Variants in DLC1 observed in about 807,000 individuals in gnomAD.
The protein encoded by DLC1 is rho GTPase-activating protein 7.
In DLC1, 54 loss-of-function variants were observed where a neutral mutation model predicts 140.3. The observed-to-expected ratio is 0.38, with a 90% CI of 0.31 to 0.48. The LOEUF is 0.48. Among genes scored for constraint, DLC1 ranks in the 20% least tolerant of loss-of-function variants. DLC1 has a pLI of 0.96. For synonymous variants in DLC1, 986 were observed against 728.1 expected, an observed-to-expected ratio of 1.35 and a Z score of -5.70; for missense variants, 2,536 against 1,907.0, an observed-to-expected ratio of 1.33 and a Z score of -6.14.
intron 4 of DLC1, among the ~76,000 whole-genome samples, chr8:13,358,195 T>A (rs1415517706): frequency 6.6e-6 from 1 of 152,254 alleles, no homozygotes; most frequent in Non-Finnish European, 1.5e-5. Flanking sequence ...CTTACTTAAT[T>A]AACTAAAACC....
chr8:13,536,862 C>A (rs1803302714), intron 1 of DLC1, among the ~76,000 whole-genome samples: 1 of 152,120 alleles, frequency 6.6e-6, no homozygotes, highest in Non-Finnish European at 1.5e-5. Context: ...AGGCCATCTG[C>A]ACTTTAAAAT....
chr8:13,400,119 A>T (rs1837228913), intron 3 of DLC1, among the ~76,000 whole-genome samples: 1 of 152,154 alleles, frequency 6.6e-6, no homozygotes, highest in South Asian at 2.1e-4. Context: ...AACATAAATA[A>T]AGAACAAGAG....
chr8:13,140,885 A>C lies in DLC1; in HGVS notation c.1349-25228T>G, dbSNP rs76498849. On this transcript the variant is annotated intron_variant, in intron 5 of 17. Transcript: ENST00000276297. Reference sequence around the variant, plus strand: ...TATACATTTTATTATGTACTCAAAAAATATTCTAGCTGTCTTATTTTTCTC... The same window carrying C: ...TATACATTTTATTATGTACTCAAAACATATTCTAGCTGTCTTATTTTTCTC... 9.7e-3 allele frequency among the ~76,000 whole-genome samples: 1,470 copies of C among 152,268 alleles called. 18 individuals are homozygous for C. The highest frequency in any genetic ancestry group is 0.033 in the African/African-American group (1,358 of 41,548).
intron 5 of DLC1, among the ~76,000 whole-genome samples, chr8:13,229,581 A>ATATAAATTTTAGTATATAAAT (rs1206346490): frequency 6.6e-6 from 1 of 152,124 alleles, no homozygotes; most frequent in Non-Finnish European, 1.5e-5. Context: ...ACTTTTTAGT[A>ATATAAATTTTAGTATATAAAT]TATAAATTAT....
chr8:13,241,722 G>T (rs1172897943), intron 5 of DLC1, among the ~76,000 whole-genome samples: 1 of 152,148 alleles, frequency 6.6e-6, no homozygotes, highest in Non-Finnish European at 1.5e-5. Context: ...TGACCTCCCA[G>T]TTGGAGAGGT....
In DLC1 at chr8:13,552,111, G is replaced by GTGTGTATATATATA. The variant is rs1279225632; in HGVS notation, c.-125-51916_-125-51915insTATATATATACACA. Among the ~76,000 whole-genome samples, 311 of 54,516 alleles carry GTGTGTATATATATA rather than the reference G, an allele frequency of 5.7e-3. 6 individuals carry two copies. Among genetic ancestry groups the GTGTGTATATATATA allele is most frequent in the African/African-American group, 0.022 (290 of 13,306 alleles). 35.8% of individuals were successfully genotyped at this position (54,516 alleles called of 152,430 possible). A position where few individuals can be genotyped will look rare whatever the true frequency, so the allele number is the denominator to read the frequency against. On this transcript the variant is annotated intron_variant, in intron 1 of 1. Coordinates refer to the DLC1 transcript ENST00000631382. ...TATATGTATGTACCTGTCTAGAGGT[G>GTGTGTATATATATA]TATATATATATATATATATATATAT...
At chr8:13,115,515 T>C in intron 6 of DLC1, 71 bp downstream of exon 6, 3 of 1,353,516 alleles carry the variant, frequency 2.2e-6, no homozygotes, top group African/African-American at 2.9e-5. Context: ...AAATAAGTCA[T>C]AGATCAGTAA....
intron 2 of DLC1, among the ~76,000 whole-genome samples, chr8:13,417,663 A>G (rs961394923): frequency 3.3e-5 from 5 of 152,152 alleles, no homozygotes; most frequent in African/African-American, 1.2e-4. Context: ...TAGTGCCGCA[A>G]TAAACATACG....
chr8:13,451,230 G>A (rs1799041817), intron 2 of DLC1, among the ~76,000 whole-genome samples: 1 of 151,844 alleles, frequency 6.6e-6, no homozygotes, highest in African/African-American at 2.4e-5. Flanking sequence ...TTTTTTAACT[G>A]TTAATTTTTG....
intron 1 of DLC1, among the ~76,000 whole-genome samples, chr8:13,570,055 C>A (rs138771453): frequency 1.5e-4 from 23 of 152,348 alleles, no homozygotes; most frequent in Non-Finnish European, 1.8e-4. Context: ...ACACACAAAT[C>A]TGTTCAAGTA....
intron 5 of DLC1, among the ~76,000 whole-genome samples, chr8:13,169,269 TTTG>T (rs1478296156): frequency 1.3e-5 from 2 of 152,200 alleles, no homozygotes; most frequent in African/African-American, 2.4e-5. Flanking sequence ...ACTGTGGGGT[TTTG>T]TTGTTGTTTT....
At chr8:13,142,187 C>T (rs1384642704) in intron 5 of DLC1, among the ~76,000 whole-genome samples, 2 of 152,168 alleles carry the variant, frequency 1.3e-5, no homozygotes, top group African/African-American at 4.8e-5. Flanking sequence ...CCAGCGGTGG[C>T]GAACTGTGAG....
In DLC1 at chr8:13,598,833, A is replaced by T. The variant is rs1243499130; in HGVS notation, c.-126+5704T>A. Among the ~76,000 whole-genome samples the T allele has an allele frequency of 2.0e-5, 3 of 152,012 alleles. No homozygotes were observed. In the East Asian group the frequency reaches 5.8e-4, roughly 29 times the overall value. On this transcript the variant is annotated intron_variant, in intron 1 of 1. Transcript: ENST00000631382. The stretch of plus-strand genomic sequence containing the variant: ...CTCTGCCTCATTCCATGAATGAACT[A>T]AAATTCTGAAAAATAATTTAAAACT...
chr8:13,305,262 A>G lies in DLC1; in HGVS notation c.1348+7T>C. 1.2e-6 allele frequency: 2 copies of G among 1,609,474 alleles called. No individual in the cohort carries two copies. The highest frequency in any genetic ancestry group is 2.2e-5 in the South Asian group (2 of 89,614). On this transcript the variant is annotated splice_region_variant and intron_variant, in intron 5 of 17. Transcript: ENST00000276297. Reference sequence around the variant, plus strand: ...GGCGAGAAAACAGAACCAAAATGTCAACTTACCAGCCTTTTCCTTCTCTGA... The same window carrying G: ...GGCGAGAAAACAGAACCAAAATGTCGACTTACCAGCCTTTTCCTTCTCTGA...
chr8:13,522,517 C>T lies in DLC1; in HGVS notation c.-125-22321G>A, dbSNP rs139299875. On this transcript the variant is annotated intron_variant, in intron 1 of 1. Coordinates refer to the DLC1 transcript ENST00000631382. ...GTGGGTGCCTGTAATCCCATTTACT[C>T]GGGTGGCTGAGGCAGGAGAATCGCT... 3.4e-3 allele frequency among the ~76,000 whole-genome samples: 521 copies of T among 151,850 alleles called. 2 individuals carry two copies. Among genetic ancestry groups the T allele is most frequent in the African/African-American group, 0.012 (495 of 41,422 alleles).
intron 4 of DLC1, among the ~76,000 whole-genome samples, chr8:13,370,562 G>A (rs1835682748): frequency 6.6e-6 from 1 of 152,098 alleles, no homozygotes; most frequent in African/African-American, 2.4e-5. Context: ...TGTGAGTGAG[G>A]GCTGTTCCTC....
chr8:13,452,049 CT>C (rs1399913994), intron 2 of DLC1, among the ~76,000 whole-genome samples: 2 of 151,932 alleles, frequency 1.3e-5, no homozygotes, highest in Non-Finnish European at 2.9e-5. Flanking sequence ...TTAAGTCTGG[CT>C]TGTTTTAGCT....
At chr8:13,304,176 G>T (rs1351404529) in intron 5 of DLC1, among the ~76,000 whole-genome samples, 1 of 152,122 alleles carries the variant, frequency 6.6e-6, no homozygotes. Flanking sequence ...AATAATTGCA[G>T]TTTGGCCATT....
intron 5 of DLC1, among the ~76,000 whole-genome samples, chr8:13,301,709 A>C (rs80208163): frequency 0.054 from 8,193 of 152,290 alleles, 299 homozygotes; most frequent in Middle Eastern, 0.088. Context: ...TCTGTTAGGA[A>C]CCAGGCTGCA....
Sources: allele counts gnomAD v4.1 joint callset (sites outside exome capture counted in the v4.1 genomes callset), GRCh38; gene constraint gnomAD v4.1.1; transcripts MANE v1.5; gene names NCBI Gene and HGNC (gene_info 2026-07-23, HGNC 2026-07-21).